Variants in TAOK1 observed in about 807,000 individuals in gnomAD.
The protein encoded by TAOK1 is serine/threonine-protein kinase TAO1.
Under a neutral mutation model 138.3 loss-of-function variants are expected in TAOK1, and 21 were observed. The observed-to-expected ratio is 0.15, with a 90% CI of 0.11 to 0.22. The LOEUF (loss-of-function observed/expected upper bound fraction) is 0.22, where lower values mean the gene tolerates loss of function less well. Ranked by LOEUF, TAOK1 falls within the 10% of genes least tolerant of loss-of-function variation. The pLI is 1.00. For synonymous variants in TAOK1, 361 were observed against 398.4 expected (o/e 0.91, Z 1.12); for missense variants, 651 against 1,227.7 (o/e 0.53, Z 7.02).
At chr17:29,397,749 A>G (rs1483114110) in intron 1 of TAOK1, among the ~76,000 whole-genome samples, 1 of 123,610 alleles carries the variant, frequency 8.1e-6, no homozygotes, top group Non-Finnish European at 1.8e-5. Context: ...ACGTATATAT[A>G]CACGTATGTA....
At chr17:29,426,772 C>G (rs1905656010) in intron 1 of TAOK1, among the ~76,000 whole-genome samples, 1 of 152,136 alleles carries the variant, frequency 6.6e-6, no homozygotes, top group East Asian at 1.9e-4. Context: ...ATTTGATTTT[C>G]TATGCCTGTT....
intron 1 of TAOK1, among the ~76,000 whole-genome samples, chr17:29,446,045 A>T (rs1428731172): frequency 6.6e-6 from 1 of 152,148 alleles, no homozygotes; most frequent in Non-Finnish European, 1.5e-5. Flanking sequence ...TGTCAGATTT[A>T]TGAGCTTACA....
At chr17:29,507,486 TTCA>T (rs1018886737) in intron 13 of TAOK1, among the ~76,000 whole-genome samples, 61 of 152,290 alleles carry the variant, frequency 4.0e-4, no homozygotes, top group African/African-American at 1.4e-3. Flanking sequence ...AACCACTTGT[TTCA>T]GCAGGATTTG....
intron 1 of TAOK1, among the ~76,000 whole-genome samples, chr17:29,401,377 C>T (rs1043839217): frequency 3.3e-5 from 5 of 152,194 alleles, no homozygotes; most frequent in Admixed American, 6.5e-5. Flanking sequence ...ACAATCATAG[C>T]GGAAGTGGAA....
chr17:29,519,507 A>G (rs2150765982), intron 16 of TAOK1, among the ~76,000 whole-genome samples: 1 of 143,296 alleles, frequency 7.0e-6, no homozygotes, highest in South Asian at 2.3e-4. Context: ...CGACAGAGCA[A>G]GTCTGCATCT....
intron 1 of TAOK1, among the ~76,000 whole-genome samples, chr17:29,401,498 A>C (rs1282037686): frequency 6.6e-6 from 1 of 152,166 alleles, no homozygotes; most frequent in Admixed American, 6.6e-5. Context: ...TTCCAACAAC[A>C]GTAGCTCTTG....
In TAOK1 at chr17:29,546,424, G is replaced by A. The variant is rs571563898; in HGVS notation, c.*3402G>A. On this transcript the variant is annotated 3_prime_UTR_variant, in exon 20 of 20. Coordinates refer to ENST00000261716, the MANE Select transcript of TAOK1 (RefSeq NM_020791.4). ...TTGAAAACTCTATGAGTGTCTTTTTGAGACCATAAAGCAGACTTTAGTAAC... is the reference window on the plus strand; with the variant it reads ...TTGAAAACTCTATGAGTGTCTTTTTAAGACCATAAAGCAGACTTTAGTAAC... 1 of 152,098 alleles carries A rather than the reference G, an allele frequency of 6.6e-6. No homozygotes were observed. The highest frequency in any genetic ancestry group is 1.9e-4 in the East Asian group (1 of 5,188). 9.4% of individuals were successfully genotyped at this position (152,098 alleles called of 1,614,324 possible). A position where few individuals can be genotyped will look rare whatever the true frequency, so the allele number is the denominator to read the frequency against.
Position 29,548,407 on chromosome 17 carries a change from ATTT to A in TAOK1, c.*5393_*5395del, listed in dbSNP as rs747366454. On this transcript the variant is annotated 3_prime_UTR_variant, in exon 20 of 20. Transcript: ENST00000261716. ...AAACTTTTTGAAGTTTCAGAGGTGTATTTTTTTTTTGTATATATGTCTGTGTGA... is the reference window on the plus strand; with the variant it reads ...AAACTTTTTGAAGTTTCAGAGGTGTATTTTTTTGTATATATGTCTGTGTGA... 6.7e-6 allele frequency: 1 copy of A among 148,684 alleles called. No individual in the cohort carries two copies. Among genetic ancestry groups the A allele is most frequent in the African/African-American group, 2.5e-5 (1 of 40,566 alleles). 9.2% of individuals were successfully genotyped at this position (148,684 alleles called of 1,614,324 possible). A position where few individuals can be genotyped will look rare whatever the true frequency, so the allele number is the denominator to read the frequency against.
chr17:29,401,438 T>C (rs1274251624), intron 1 of TAOK1, among the ~76,000 whole-genome samples: 1 of 152,106 alleles, frequency 6.6e-6, no homozygotes, highest in Non-Finnish European at 1.5e-5. Flanking sequence ...AGTGTGCATG[T>C]GTGTGGACAC....
intron 12 of TAOK1, among the ~76,000 whole-genome samples, chr17:29,500,265 A>G (rs1000875037): frequency 6.6e-5 from 10 of 152,042 alleles, no homozygotes; most frequent in Non-Finnish European, 1.5e-4. Context: ...CAGTGAGCCA[A>G]GATCGTACCA....
intron 19 of TAOK1, among the ~76,000 whole-genome samples, chr17:29,535,427 C>T (rs1321872489): frequency 1.3e-5 from 2 of 152,256 alleles, no homozygotes; most frequent in South Asian, 2.1e-4. Context: ...GTCTTAGGTC[C>T]GTCGGTTATC....
intron 17 of TAOK1, among the ~76,000 whole-genome samples, chr17:29,528,762 C>T (rs1413695442): frequency 7.0e-6 from 1 of 143,686 alleles, no homozygotes; most frequent in Non-Finnish European, 1.5e-5. Context: ...ATCGATTGAA[C>T]CCAGGAGATG....
intron 5 of TAOK1, 150 bp from the exon 6 acceptor site, chr17:29,478,101 A>G: frequency 7.4e-6 from 4 of 543,874 alleles, no homozygotes; most frequent in South Asian, 3.2e-5. Context: ...ACAACTGCAT[A>G]CAAGTTATAA....
At chr17:29,529,238 A>G (rs1034740666) in intron 17 of TAOK1, among the ~76,000 whole-genome samples, 3 of 152,112 alleles carry the variant, frequency 2.0e-5, no homozygotes, top group African/African-American at 7.2e-5. Flanking sequence ...CTCCCAAAGT[A>G]CTGGGATTAC....
intron 11 of TAOK1, among the ~76,000 whole-genome samples, chr17:29,497,785 A>C (rs1169959151): frequency 2.6e-5 from 4 of 151,834 alleles, no homozygotes; most frequent in African/African-American, 9.7e-5. Context: ...AGAAGAATCT[A>C]CTTATGAAAG....
intron 18 of TAOK1, among the ~76,000 whole-genome samples, chr17:29,533,020 GACC>G (rs1567747475): frequency 4.1e-4 from 6 of 14,624 alleles, no homozygotes; most frequent in Admixed American, 8.2e-4. Flanking sequence ...GCGGGGGGCT[GACC>G]CCCACCTCCC....
rs117462572 is a variant in TAOK1, at chr17:29,456,580, T to G, written c.132+4900T>G. Reference sequence around the variant, plus strand: ...CAATGCTTGTTGGAGCATTTCAGATTTTGGATTTTCAGACTGGGGATACCC... The same window carrying G: ...CAATGCTTGTTGGAGCATTTCAGATGTTGGATTTTCAGACTGGGGATACCC... On this transcript the variant is annotated intron_variant, in intron 2 of 19. Transcript: ENST00000261716. 7.8e-3 allele frequency among the ~76,000 whole-genome samples: 1,173 copies of G among 150,564 alleles called. 16 individuals carry two copies. Among genetic ancestry groups the G allele is most frequent in the Non-Finnish European group, 0.011 (778 of 68,022 alleles).
rs2032387585 is a variant in TAOK1 at position 29,545,438 on chromosome 17, TTGG to T, written c.*2421_*2423del. The T allele has an allele frequency of 6.6e-6, 1 of 152,200 alleles. No homozygotes were observed. The highest frequency in any genetic ancestry group is 2.4e-5 in the African/African-American group (1 of 41,454). 9.4% of individuals were successfully genotyped at this position (152,200 alleles called of 1,614,324 possible). ...AAACTCTTTCAAACCCAAAATATTA[TTGG>T]TGGTACATTTTAAAGTCCAATTGTG... On this transcript the variant is annotated 3_prime_UTR_variant, in exon 20 of 20. Coordinates refer to ENST00000261716, the MANE Select transcript of TAOK1 (RefSeq NM_020791.4).
chr17:29,445,838 A>C (rs1299085468), intron 1 of TAOK1, among the ~76,000 whole-genome samples: 1 of 152,112 alleles, frequency 6.6e-6, no homozygotes, highest in East Asian at 1.9e-4. Context: ...ATGAATTGGG[A>C]AATGTTCTCT....
Sources: gnomAD v4.1 joint callset for allele counts (sites outside exome capture counted in the v4.1 genomes callset) on GRCh38, gnomAD v4.1.1 for gene constraint, MANE v1.5 for transcripts, NCBI Gene and HGNC (gene_info 2026-07-23, HGNC 2026-07-21) for gene names.